Variants in FAM83D observed in about 807,000 individuals in gnomAD.
FAM83D encodes the protein scaffolding CK1 anchoring protein D.
A neutral mutation model predicts 25.4 loss-of-function variants in FAM83D; 26 were observed. The observed-to-expected ratio is 1.02, with a 90% confidence interval of 0.75 to 1.42. FAM83D has a LOEUF of 1.42. FAM83D is among the 40% of genes most tolerant of loss of function. The probability of loss-of-function intolerance (pLI) is 0.00; values close to 1 mark genes in which losing one functional copy is unlikely to be tolerated. For synonymous variants in FAM83D, 310 were observed against 318.5 expected (o/e 0.97, Z 0.28); for missense variants, 740 against 758.1 (o/e 0.98, Z 0.28).
chr20:38,952,562 TG>T lies in FAM83D; in HGVS notation c.*44del. 3 of 1,569,054 alleles carry T rather than the reference TG, an allele frequency of 1.9e-6. No homozygotes were observed. Among genetic ancestry groups the T allele is most frequent in the Non-Finnish European group, 2.6e-6 (3 of 1,157,106 alleles). On this transcript the variant is annotated 3_prime_UTR_variant, in exon 4 of 4. Transcript: ENST00000619850. ...CTCCTGGTTTCTTCCAGGCTTACAG[TG>T]GACATCATCAGCTTCCTGCTTTAAA... is the stretch of plus-strand genomic sequence containing the variant.
At chr20:38,948,210 T>A (rs1203321311) in intron 3 of FAM83D, among the ~76,000 whole-genome samples, 2 of 152,180 alleles carry the variant, frequency 1.3e-5, no homozygotes, top group African/African-American at 4.8e-5. Flanking sequence ...GTCCATAGAT[T>A]AAAATGCAGA....
chr20:38,942,724 A>G (rs1203109304), intron 2 of FAM83D, among the ~76,000 whole-genome samples: 2 of 152,210 alleles, frequency 1.3e-5, no homozygotes, highest in African/African-American at 2.4e-5. Flanking sequence ...AAATTGACTA[A>G]CGGTGATGAT....
chr20:38,945,355 A>C lies in FAM83D; in HGVS notation c.652-2521A>C, dbSNP rs566023504. Among the ~76,000 whole-genome samples, 3 of 152,046 alleles carry C rather than the reference A, an allele frequency of 2.0e-5. No individual in the cohort carries two copies. In the East Asian group the frequency reaches 5.8e-4, roughly 29 times the overall value. ...TCCTCCAGGAAGCTCTCCTCCCACC[A>C]AGTCCAGGTGTACCTCTATGACATT... On this transcript the variant is annotated intron_variant, in intron 2 of 3. Coordinates refer to ENST00000619850, the MANE Select transcript of FAM83D (RefSeq NM_030919.3).
rs553604662 is a variant in FAM83D at position 38,934,028 on chromosome 20, T to C, written c.483+7103T>C. 5.3e-5 allele frequency among the ~76,000 whole-genome samples: 8 copies of C among 152,160 alleles called. No homozygotes were observed. In the South Asian group the frequency reaches 1.7e-3, roughly 32 times the overall value. The stretch of plus-strand genomic sequence containing the variant: ...CGCTACCACGCCCGGCTAATTTTTT[T>C]GTATTTTAGTAGAAACAGGGTTTCA... On this transcript the variant is annotated intron_variant, in intron 1 of 3. Transcript: ENST00000619850.
At position 38,941,944 on chromosome 20, in the gene FAM83D, C is replaced by T. The variant is rs1410773190; in HGVS notation, c.484-15C>T. On this transcript the variant is annotated splice_polypyrimidine_tract_variant and intron_variant, in intron 1 of 3. Transcript: ENST00000619850. ...CTATAAGCTTATCATGTGCTCTTCC[C>T]TGTTTCACCTGTAGGTGATTGCAGT... 6.2e-7 allele frequency: 1 copy of T among 1,613,280 alleles called. No homozygotes were observed. Among genetic ancestry groups the T allele is most frequent in the African/African-American group, 1.3e-5 (1 of 75,002 alleles).
intron 3 of FAM83D, among the ~76,000 whole-genome samples, chr20:38,948,378 A>T (rs58479886): frequency 0.021 from 3,215 of 152,336 alleles, 125 homozygotes; most frequent in African/African-American, 0.074. Flanking sequence ...ACTTGAAGGT[A>T]GGGGCAGTTG....
intron 1 of FAM83D, among the ~76,000 whole-genome samples, chr20:38,931,569 T>G (rs535864875): frequency 6.6e-6 from 1 of 152,350 alleles, no homozygotes; most frequent in South Asian, 2.1e-4. Flanking sequence ...ACCTCAGTGT[T>G]CGCTCCATGC....
At chr20:38,938,401 T>A (rs1307179539) in intron 1 of FAM83D, among the ~76,000 whole-genome samples, 1 of 152,200 alleles carries the variant, frequency 6.6e-6, no homozygotes, top group Non-Finnish European at 1.5e-5. Flanking sequence ...CTCATTAGAC[T>A]GCGTTCTTGA....
chr20:38,927,687 C>T (rs535046365), intron 1 of FAM83D, among the ~76,000 whole-genome samples: 1 of 151,782 alleles, frequency 6.6e-6, no homozygotes, highest in African/African-American at 2.4e-5. Flanking sequence ...TTAGTAGAGA[C>T]GGGGTTTCTC....
intron 3 of FAM83D, among the ~76,000 whole-genome samples, chr20:38,948,453 G>A (rs943074529): frequency 2.6e-5 from 4 of 152,178 alleles, no homozygotes; most frequent in Admixed American, 6.5e-5. Flanking sequence ...AATCCTCCAC[G>A]TTGCTTCAAG....
intron 1 of FAM83D, among the ~76,000 whole-genome samples, chr20:38,931,097 T>C (rs1270762724): frequency 6.6e-6 from 1 of 152,258 alleles, no homozygotes; most frequent in Non-Finnish European, 1.5e-5. Flanking sequence ...TAATCCCTGC[T>C]GCATACAGCC....
At chr20:38,945,991 T>C (rs2085726133) in intron 2 of FAM83D, among the ~76,000 whole-genome samples, 2 of 152,002 alleles carry the variant, frequency 1.3e-5, no homozygotes, top group African/African-American at 2.4e-5. Context: ...GCAGATCACC[T>C]GAGGTCAGGA....
intron 1 of FAM83D, among the ~76,000 whole-genome samples, chr20:38,930,605 C>T (rs1350925024): frequency 2.6e-5 from 4 of 152,032 alleles, no homozygotes; most frequent in East Asian, 1.9e-4. Context: ...CTCAGCCTCC[C>T]GAGTAGCTGG....
Position 38,927,024 on chromosome 20 carries a change from C to T in FAM83D, c.483+99C>T, listed in dbSNP as rs1261735377. 51 of 1,384,656 alleles carry T rather than the reference C, an allele frequency of 3.7e-5. No individual in the cohort carries two copies. In the Admixed American group the frequency reaches 1.4e-3, roughly 37 times the overall value. The allele number at this position is 1,384,656 out of a possible 1,614,324, so 85.8% of individuals were successfully genotyped here. ...GTACGGGCCGGGGCCACTACCTCCT[C>T]TGCGCCCTACCGGAAGCGCGCGCGG... On this transcript the variant is annotated intron_variant, in intron 1 of 3. Transcript: ENST00000619850.
At chr20:38,947,423 G>A (rs907181903) in intron 2 of FAM83D, among the ~76,000 whole-genome samples, 4 of 152,170 alleles carry the variant, frequency 2.6e-5, no homozygotes, top group Admixed American at 1.3e-4. Flanking sequence ...TTACTCTAAT[G>A]TGATGCCATT....
Position 38,946,438 on chromosome 20 carries a change from T to TA in FAM83D, c.652-1437dup, listed in dbSNP as rs571224701. Among the ~76,000 whole-genome samples the TA allele has an allele frequency of 1.4e-3, 210 of 152,304 alleles. 2 individuals carry two copies. Among genetic ancestry groups the TA allele is most frequent in the Admixed American group, 0.012 (190 of 15,296 alleles). On this transcript the variant is annotated intron_variant, in intron 2 of 3. Transcript: ENST00000619850. Reference sequence around the variant, plus strand: ...CCCAGTTTCCCCAAATGTTACATCTTATGTAACTTATGGTACAATGTCAAA... The same window carrying TA: ...CCCAGTTTCCCCAAATGTTACATCTTAATGTAACTTATGGTACAATGTCAAA...
intron 1 of FAM83D, among the ~76,000 whole-genome samples, chr20:38,930,641 C>T (rs1245883867): frequency 6.6e-6 from 1 of 151,656 alleles, no homozygotes; most frequent in Non-Finnish European, 1.5e-5. Context: ...CCACCATGCC[C>T]AGCTAATTTT....
intron 3 of FAM83D, among the ~76,000 whole-genome samples, chr20:38,948,983 C>T (rs1264799152): frequency 6.6e-6 from 1 of 152,098 alleles, no homozygotes; most frequent in African/African-American, 2.4e-5. Context: ...TGTTTTTAAC[C>T]TAAGTAGGAT....
At chr20:38,950,758 A>G (rs1011027547) in intron 3 of FAM83D, among the ~76,000 whole-genome samples, 4 of 152,044 alleles carry the variant, frequency 2.6e-5, no homozygotes, top group African/African-American at 9.7e-5. Flanking sequence ...TAGTTTTCTT[A>G]CCTTTAAAAT....
Sources: gnomAD v4.1 joint callset for allele counts (sites outside exome capture counted in the v4.1 genomes callset) on GRCh38, gnomAD v4.1.1 for gene constraint, MANE v1.5 for transcripts, NCBI Gene and HGNC (gene_info 2026-07-23, HGNC 2026-07-21) for gene names.